Variants in NUP210 observed in about 807,000 individuals in gnomAD.
The protein encoded by NUP210 is nuclear pore membrane glycoprotein 210.
Under a neutral mutation model 196.0 loss-of-function variants are expected in NUP210, and 151 were observed. That is an observed-to-expected ratio of 0.77 (90% confidence interval 0.67 to 0.88). NUP210 has a LOEUF of 0.88. Among genes scored for constraint, NUP210 ranks in the 40% least tolerant of loss-of-function variants. NUP210 has a pLI of 0.00. For missense variants in NUP210, 2,314 were observed against 2,493.7 expected (o/e 0.93, Z 1.53); for synonymous variants, 1,070 against 1,052.7 (o/e 1.02, Z -0.32).
intron 36 of NUP210, among the ~76,000 whole-genome samples, chr3:13,321,173 C>G (rs924392561): frequency 6.6e-6 from 1 of 152,270 alleles, no homozygotes; most frequent in Admixed American, 6.5e-5. Flanking sequence ...CAATCCCACC[C>G]CGTGACTTAG....
rs1177158690 is a variant in NUP210 at position 13,350,733 on chromosome 3, G to A, written c.2835+1146C>T. ...TTTTGAGATGGAGTCTCGCCCCGTCGCCCAGGCTGGAGTGCAGTGGCGCAA... is the reference window on the plus strand; with the variant it reads ...TTTTGAGATGGAGTCTCGCCCCGTCACCCAGGCTGGAGTGCAGTGGCGCAA... On this transcript the variant is annotated intron_variant, in intron 20 of 39. Transcript: ENST00000254508. The surrounding 1 kb of genome is among the most constrained non-coding windows in gnomAD (Gnocchi z 4.1). Among the ~76,000 whole-genome samples, 1 of 140,612 alleles carries A rather than the reference G, an allele frequency of 7.1e-6. No homozygotes were observed. The highest frequency in any genetic ancestry group is 7.6e-5 in the Admixed American group (1 of 13,142). The allele number at this position is 140,612 out of a possible 152,430, so 92.2% of individuals were successfully genotyped here. A position where few individuals can be genotyped will look rare whatever the true frequency, so the allele number is the denominator to read the frequency against.
chr3:13,328,636 T>C, intron 31 of NUP210, 135 bp downstream of exon 31: 1 of 832,878 alleles, frequency 1.2e-6, no homozygotes. Context: ...TGGTGCAGCA[T>C]GCCCACATCT....
At chr3:13,401,682 C>T (rs1289143300) in intron 1 of NUP210, among the ~76,000 whole-genome samples, 1 of 152,152 alleles carries the variant, frequency 6.6e-6, no homozygotes, top group Non-Finnish European at 1.5e-5. Context: ...ATGCTGACAG[C>T]ACTAGTGCCC....
intron 28 of NUP210, among the ~76,000 whole-genome samples, 185 bp from the exon 29 acceptor site, chr3:13,332,569 C>G (rs756896229): frequency 1.5e-4 from 22 of 151,574 alleles, no homozygotes; most frequent in Admixed American, 2.6e-4. Context: ...AAGGTGTGGC[C>G]GGGTAGAGTA....
chr3:13,378,949 G>A lies in NUP210; in HGVS notation c.1008C>T (p.Pro336=). 1 of 1,614,130 alleles carries A rather than the reference G, an allele frequency of 6.2e-7. No individual in the cohort carries two copies. The highest frequency in any genetic ancestry group is 8.5e-7 in the Non-Finnish European group (1 of 1,179,988). Residue 336 remains proline (P), a synonymous_variant, in exon 8 of 40, where the codon CCC becomes CCT. Coordinates refer to ENST00000254508, the MANE Select transcript of NUP210 (RefSeq NM_024923.4). ...SIRMQGASRL[P]NSTIYVVEPG... ...GTTCGACCACGTAGATAGTGCTGTT[G>A]GGTAACCTAGAAGCACCTTGCATGC...
At chr3:13,385,078 G>A (rs1210516969) in intron 6 of NUP210, among the ~76,000 whole-genome samples, 1 of 152,154 alleles carries the variant, frequency 6.6e-6, no homozygotes, top group Non-Finnish European at 1.5e-5. Context: ...GAAAGAACTG[G>A]GCCCAAAGGC....
chr3:13,324,148 G>C (rs1348938576), intron 33 of NUP210, among the ~76,000 whole-genome samples: 2 of 152,118 alleles, frequency 1.3e-5, no homozygotes, highest in African/African-American at 4.8e-5. Context: ...CCTCCGCTCA[G>C]GGCTTACCAC....
At chr3:13,370,161 A>G (rs935471783) in intron 13 of NUP210, among the ~76,000 whole-genome samples, 1 of 151,698 alleles carries the variant, frequency 6.6e-6, no homozygotes, top group Non-Finnish European at 1.5e-5. Flanking sequence ...GGTTTCTAAG[A>G]TACATATTTT....
rs1291435279 is a variant in NUP210 at position 13,348,086 on chromosome 3, C to T, written c.2835+3793G>A. Reference sequence around the variant, plus strand: ...CCACTCAACCAGGCCAGCGGCCATTCCACAATTCAGAAAGAGAGTGCCAGA... The same window carrying T: ...CCACTCAACCAGGCCAGCGGCCATTTCACAATTCAGAAAGAGAGTGCCAGA... On this transcript the variant is annotated intron_variant, in intron 20 of 39. Coordinates refer to ENST00000254508, the MANE Select transcript of NUP210 (RefSeq NM_024923.4). This position sits in a 1 kb window ranked among gnomAD's most constrained non-coding sequence, Gnocchi z 4.0. Among the ~76,000 whole-genome samples, 3 of 152,266 alleles carry T rather than the reference C, an allele frequency of 2.0e-5. No homozygotes were observed. Among genetic ancestry groups the T allele is most frequent in the Non-Finnish European group, 1.5e-5 (1 of 68,052 alleles).
At chr3:13,409,749 C>A (rs1700105299) in intron 1 of NUP210, among the ~76,000 whole-genome samples, 1 of 151,938 alleles carries the variant, frequency 6.6e-6, no homozygotes, top group South Asian at 2.1e-4. Flanking sequence ...GGCCTCCCAC[C>A]TTTACCTGGT....
In NUP210 at chr3:13,317,274, T is replaced by C. The variant is rs773168829; in HGVS notation, c.*407A>G. ...CCCCCTAAAGTAACTGGACAATCCT[T>C]TCCCTGAGACCACTACAGTAACATC... is the stretch of plus-strand genomic sequence containing the variant. On this transcript the variant is annotated 3_prime_UTR_variant, in exon 40 of 40. Transcript: ENST00000254508. The C allele has an allele frequency of 1.5e-4, 31 of 207,294 alleles. No individual in the cohort carries two copies. Among genetic ancestry groups the C allele is most frequent in the Non-Finnish European group, 2.4e-4 (24 of 101,542 alleles). The allele number at this position is 207,294 out of a possible 1,614,324, so 12.8% of individuals were successfully genotyped here. A position where few individuals can be genotyped will look rare whatever the true frequency, so the allele number is the denominator to read the frequency against.
rs1697388334 is a variant in NUP210 at position 13,339,890 on chromosome 3, C to T, written c.3435G>A (p.Val1145=). The change falls in exon 25 of 40, where the codon GTG becomes GTA. Residue 1145 remains valine, a synonymous_variant. Transcript: ENST00000254508. ...NGTVSGLVQA[V]DAETGKVVII... is the part of the protein sequence containing the mutation. ...TGACCACCTTGCCGGTCTCTGCATC[C>T]ACTGCCTGCACGAGCCCAGACACAG... 1.2e-6 allele frequency: 2 copies of T among 1,613,854 alleles called. No homozygotes were observed. Among genetic ancestry groups the T allele is most frequent in the African/African-American group, 1.3e-5 (1 of 74,940 alleles).
At chr3:13,331,851 G>C in intron 29 of NUP210, among the ~76,000 whole-genome samples, 1 of 152,116 alleles carries the variant, frequency 6.6e-6, no homozygotes, top group Non-Finnish European at 1.5e-5. Flanking sequence ...AAGCGTTACT[G>C]TGCGGCCCCC....
chr3:13,388,269 G>A, intron 5 of NUP210, 34 bp downstream of exon 5: 1 of 1,551,988 alleles, frequency 6.4e-7, no homozygotes, highest in Non-Finnish European at 8.7e-7. Context: ...TCCACCCCAG[G>A]AAGCCCACTG....
chr3:13,332,411 C>T lies in NUP210; in HGVS notation c.3844-27G>A, dbSNP rs781353195. On this transcript the variant is annotated intron_variant, in intron 28 of 39. Coordinates refer to ENST00000254508, the MANE Select transcript of NUP210 (RefSeq NM_024923.4). ...TGCAAGAGAGGGCAAGTTTCACTTC[C>T]GATGGGGCACTGGAGTCACATTCAG... is the stretch of plus-strand genomic sequence containing the variant. The T allele has an allele frequency of 4.5e-6, 7 of 1,558,426 alleles. No homozygotes were observed. The African/African-American group carries it at 5.4e-5, about 12-fold the overall frequency.
At chr3:13,416,919 A>G (rs11925900) in intron 1 of NUP210, among the ~76,000 whole-genome samples, 14,483 of 152,288 alleles carry the variant, frequency 0.095, 888 homozygotes, top group African/African-American at 0.16. Flanking sequence ...CTGGAAGATT[A>G]TGGCATGATT....
At chr3:13,324,931 T>C (rs1371259315) in intron 33 of NUP210, among the ~76,000 whole-genome samples, 5 of 152,220 alleles carry the variant, frequency 3.3e-5, no homozygotes, top group African/African-American at 1.2e-4. Flanking sequence ...ATCATCCCCA[T>C]TATACAGGCA....
intron 1 of NUP210, among the ~76,000 whole-genome samples, chr3:13,412,247 TAG>T (rs1700201614): frequency 1.0e-4 from 14 of 135,632 alleles, no homozygotes; most frequent in African/African-American, 2.9e-4. Context: ...TTTTTTTTTT[TAG>T]TAGAGACAGG....
intron 6 of NUP210, among the ~76,000 whole-genome samples, chr3:13,385,381 C>G (rs1699239533): frequency 6.6e-6 from 1 of 152,240 alleles, no homozygotes; most frequent in Admixed American, 6.5e-5. Flanking sequence ...CCTTCAGGTC[C>G]TATGCTCTGG....
Sources: allele counts gnomAD v4.1 joint callset (sites outside exome capture counted in the v4.1 genomes callset), GRCh38; gene constraint gnomAD v4.1.1; non-coding constraint Gnocchi (gnomAD v3.1); transcripts MANE v1.5; gene names NCBI Gene and HGNC (gene_info 2026-07-23, HGNC 2026-07-21).